Variants in MBNL2 observed in about 807,000 individuals in gnomAD.
The protein encoded by MBNL2 is muscleblind-like protein 2.
A neutral mutation model predicts 41.9 loss-of-function variants in MBNL2; 17 were observed. The observed-to-expected ratio is 0.41, with a 90% CI of 0.28 to 0.61. MBNL2 has a LOEUF of 0.61. MBNL2 is among the 20% of genes least tolerant of loss of function. The pLI is 0.35. For missense variants in MBNL2, 336 were observed against 505.6 expected (o/e 0.66, Z 3.22); for synonymous variants, 195 against 182.9 (o/e 1.07, Z -0.53).
At chr13:97,258,869 G>C (rs2048056251) in intron 1 of MBNL2, among the ~76,000 whole-genome samples, 1 of 152,244 alleles carries the variant, frequency 6.6e-6, no homozygotes, top group Non-Finnish European at 1.5e-5. Context: ...GCTCAGGCCA[G>C]AGGAAGGCCT....
At chr13:97,167,920 A>G in the MBNL2 span, among the ~76,000 whole-genome samples, 1 of 152,342 alleles carries the variant, frequency 6.6e-6, no homozygotes, top group Middle Eastern at 3.4e-3. Flanking sequence ...ACACTTGGTA[A>G]CAAGAAAAGA....
intron 2 of MBNL2, among the ~76,000 whole-genome samples, chr13:97,314,827 G>A (rs1049838631): frequency 3.3e-5 from 5 of 152,134 alleles, no homozygotes; most frequent in African/African-American, 1.2e-4. Flanking sequence ...GAGAATCCTG[G>A]CTTTCCCACC....
chr13:97,148,431 G>C, the MBNL2 span, among the ~76,000 whole-genome samples: 1 of 151,952 alleles, frequency 6.6e-6, no homozygotes, highest in East Asian at 1.9e-4. Flanking sequence ...ACAACACCAA[G>C]AGTTAGCCTT....
chr13:97,303,788 C>T (rs2057868656), intron 2 of MBNL2, among the ~76,000 whole-genome samples: 1 of 152,116 alleles, frequency 6.6e-6, no homozygotes, highest in Admixed American at 6.5e-5. Context: ...TATCTCTGAA[C>T]CTTAGAAGAA....
chr13:97,143,046 C>T, the MBNL2 span, among the ~76,000 whole-genome samples: 3 of 152,140 alleles, frequency 2.0e-5, no homozygotes, highest in African/African-American at 7.2e-5. Context: ...ATGTCAGTTA[C>T]CTCTGTAATA....
rs1296126979 is a variant in MBNL2 at position 97,357,629 on chromosome 13, C to A, written c.1006C>A (p.Pro336Thr). 1 of 1,613,942 alleles carries A rather than the reference C, an allele frequency of 6.2e-7. No homozygotes were observed. The highest frequency in any genetic ancestry group is 1.1e-5 in the South Asian group (1 of 91,072). ...GTTGCAGCAACACGCCGCGTTCATT[C>A]CAACAGGTATGTGCCCTTACTGCCC... is the stretch of plus-strand genomic sequence containing the variant. ...AQLQQHAAFIPTGSVLCMTPA... is the reference protein window; with the variant it reads ...AQLQQHAAFITTGSVLCMTPA... The change falls in exon 7 of 9, where the codon CCA (proline) becomes ACA (threonine). Residue 336 changes from proline to threonine, a missense_variant. Pro to Thr is a conservative substitution (Grantham distance 38). Transcript: ENST00000679496.
rs188010300 is a variant in MBNL2 at position 97,267,927 on chromosome 13, A to T, written c.-604-7705A>T. On this transcript the variant is annotated intron_variant, in intron 1 of 8. Transcript: ENST00000679496. ...ATGCCTGGCACACAGAAGGCAAGGA[A>T]TGCTTCCGACAGGGGTTTTCAAGCT... Among the ~76,000 whole-genome samples the T allele has an allele frequency of 5.0e-3, 760 of 152,276 alleles. 5 individuals are homozygous for T. Among genetic ancestry groups the T allele is most frequent in the African/African-American group, 0.017 (712 of 41,564 alleles).
chr13:97,341,114 C>T (rs1594236131), intron 3 of MBNL2, among the ~76,000 whole-genome samples: 2 of 152,236 alleles, frequency 1.3e-5, no homozygotes, highest in South Asian at 2.1e-4. Flanking sequence ...TTAAATTACA[C>T]ATTTAGTGCA....
the MBNL2 span, among the ~76,000 whole-genome samples, chr13:97,155,264 T>TA: frequency 2.6e-5 from 4 of 152,076 alleles, no homozygotes; most frequent in Non-Finnish European, 4.4e-5. Flanking sequence ...TTAATATATA[T>TA]TTTTTATATC....
rs969841472 is a variant in MBNL2 at position 97,300,165 on chromosome 13, TCACTTC to T, written c.174+23761_174+23766del. Among the ~76,000 whole-genome samples the T allele has an allele frequency of 6.6e-5, 10 of 152,128 alleles. 1 individual carries two copies. The highest frequency in any genetic ancestry group is 6.5e-4 in the Admixed American group (10 of 15,278). ...GGTCCCACCTTAGGGACTGTACACATCACTTCCACTCACAACCTACTGGTGAAAACT... is the reference window on the plus strand; with the variant it reads ...GGTCCCACCTTAGGGACTGTACACATCACTCACAACCTACTGGTGAAAACT... On this transcript the variant is annotated intron_variant, in intron 2 of 8. Coordinates refer to ENST00000679496, the MANE Select transcript of MBNL2 (RefSeq NM_001382683.1).
At chr13:97,308,070 T>C (rs934135067) in intron 2 of MBNL2, among the ~76,000 whole-genome samples, 1 of 152,218 alleles carries the variant, frequency 6.6e-6, no homozygotes, top group Non-Finnish European at 1.5e-5. Context: ...ATTACATCTT[T>C]GGGATTTTCC....
In MBNL2 at chr13:97,250,515, CAT is replaced by C. The variant is rs770648431; in HGVS notation, c.-604-25115_-604-25114del. On this transcript the variant is annotated intron_variant, in intron 1 of 8. Coordinates refer to ENST00000679496, the MANE Select transcript of MBNL2 (RefSeq NM_001382683.1). ...TGAAGTTCTTGAACTTCATTAAAAA[CAT>C]AAACCAAAATGCTCTCTTCAATTTT... Among the ~76,000 whole-genome samples the C allele has an allele frequency of 2.8e-5, 4 of 143,018 alleles. No individual in the cohort carries two copies. The East Asian group carries it at 8.3e-4, about 30-fold the overall frequency. The allele number at this position is 143,018 out of a possible 152,430, so 93.8% of individuals were successfully genotyped here. A position where few individuals can be genotyped will look rare whatever the true frequency, so the allele number is the denominator to read the frequency against.
the MBNL2 span, among the ~76,000 whole-genome samples, chr13:97,145,293 G>A: frequency 6.6e-6 from 1 of 152,102 alleles, no homozygotes; most frequent in Non-Finnish European, 1.5e-5. Flanking sequence ...GATCCTGAAG[G>A]AGCAGATAGA....
chr13:97,265,001 C>T (rs953149369), intron 1 of MBNL2, among the ~76,000 whole-genome samples: 2 of 152,194 alleles, frequency 1.3e-5, no homozygotes, highest in Admixed American at 6.5e-5. Context: ...AAGAGCATCT[C>T]CTAACTGAAT....
chr13:97,188,943 C>G, the MBNL2 span, among the ~76,000 whole-genome samples: 1 of 152,190 alleles, frequency 6.6e-6, no homozygotes, highest in African/African-American at 2.4e-5. Flanking sequence ...ACTCATCTGT[C>G]CCTCTGGGAC....
chr13:97,305,994 C>A (rs765406298), intron 2 of MBNL2, among the ~76,000 whole-genome samples: 4 of 152,142 alleles, frequency 2.6e-5, no homozygotes, highest in Non-Finnish European at 5.9e-5. Context: ...CTTTCTCTGC[C>A]CTGAGCCCGG....
At chr13:97,191,626 A>C in the MBNL2 span, among the ~76,000 whole-genome samples, 1 of 152,236 alleles carries the variant, frequency 6.6e-6, no homozygotes, top group East Asian at 1.9e-4. Flanking sequence ...TGTAAGAAGA[A>C]TAACTCTGCT....
intron 2 of MBNL2, among the ~76,000 whole-genome samples, chr13:97,282,286 T>G (rs1179222380): frequency 6.6e-6 from 1 of 151,928 alleles, no homozygotes; most frequent in Non-Finnish European, 1.5e-5. Context: ...GCCCAGGAGG[T>G]TGAGGTTGTA....
At chr13:97,212,200 C>T in the MBNL2 span, among the ~76,000 whole-genome samples, 1 of 152,176 alleles carries the variant, frequency 6.6e-6, no homozygotes, top group Non-Finnish European at 1.5e-5. Flanking sequence ...TGGTTGCATG[C>T]AGAAGTCCCT....
Sources: gnomAD v4.1 joint callset for allele counts (sites outside exome capture counted in the v4.1 genomes callset) on GRCh38, gnomAD v4.1.1 for gene constraint, MANE v1.5 for transcripts, NCBI Gene and HGNC (gene_info 2026-07-23, HGNC 2026-07-21) for gene names.